Variants in CCN4 observed in about 807,000 individuals in gnomAD.
The protein encoded by CCN4 is CCN family member 4.
Under a neutral mutation model 36.7 loss-of-function variants are expected in CCN4, and 30 were observed. That is an observed-to-expected ratio of 0.82 (90% CI 0.61 to 1.11). The LOEUF (loss-of-function observed/expected upper bound fraction) is 1.11, where lower values mean the gene tolerates loss of function less well. Among genes scored for constraint, CCN4 ranks in the 50% least tolerant of loss-of-function variants. The pLI, the probability that CCN4 is intolerant of heterozygous loss-of-function variation, is 0.00. For synonymous variants in CCN4, 191 were observed against 195.4 expected, an observed-to-expected ratio of 0.98 and a Z score of 0.19; for missense variants, 505 against 504.9, an observed-to-expected ratio of 1.00 and a Z score of 0.00.
intron 1 of CCN4, among the ~76,000 whole-genome samples, chr8:133,199,061 AT>A (rs1404688942): frequency 6.6e-6 from 1 of 152,120 alleles, no homozygotes; most frequent in East Asian, 1.9e-4. Flanking sequence ...AACACCACTG[AT>A]TTTTTTTGAA....
chr8:133,224,267 A>G (rs1397232424), intron 3 of CCN4, among the ~76,000 whole-genome samples: 2 of 106,542 alleles, frequency 1.9e-5, no homozygotes, highest in Non-Finnish European at 3.6e-5. Flanking sequence ...TTGAGACAGA[A>G]TCCTGCTTTT....
At chr8:133,199,376 C>A (rs1204404762) in intron 1 of CCN4, among the ~76,000 whole-genome samples, 1 of 152,212 alleles carries the variant, frequency 6.6e-6, no homozygotes, top group Non-Finnish European at 1.5e-5. Context: ...AGCTCCACCA[C>A]ATCCCAGCCC....
chr8:133,227,587 G>A lies in CCN4; in HGVS notation c.981G>A (p.Gly327=). ...TIDVSFQCPD[G]LGFSRQVLWI... is the part of the protein sequence containing the mutation. ...ACGTGTCCTTCCAGTGTCCTGATGG[G>A]CTTGGCTTCTCCCGCCAGGTCCTAT... The change falls in exon 5 of 5, where the codon GGG becomes GGA. Residue 327 remains glycine, a synonymous_variant. Coordinates refer to ENST00000250160, the MANE Select transcript of CCN4 (RefSeq NM_003882.4). The A allele has an allele frequency of 6.2e-7, 1 of 1,614,194 alleles. No homozygotes were observed. The highest frequency in any genetic ancestry group is 8.5e-7 in the Non-Finnish European group (1 of 1,180,046).
chr8:133,208,902 A>G (rs965137631), intron 1 of CCN4, among the ~76,000 whole-genome samples: 3 of 152,214 alleles, frequency 2.0e-5, no homozygotes, highest in Non-Finnish European at 4.4e-5. Context: ...GAATAAATAA[A>G]TGAAAGGGAG....
intron 1 of CCN4, among the ~76,000 whole-genome samples, chr8:133,209,674 C>T (rs1179287479): frequency 6.6e-6 from 1 of 152,232 alleles, no homozygotes; most frequent in Non-Finnish European, 1.5e-5. Flanking sequence ...GGGATACCCA[C>T]CCGGTTCCAA....
At chr8:133,197,756 G>C (rs1308171868) in intron 1 of CCN4, among the ~76,000 whole-genome samples, 1 of 151,938 alleles carries the variant, frequency 6.6e-6, no homozygotes, top group Non-Finnish European at 1.5e-5. Context: ...ATTAGGGGTA[G>C]GGGGTAGGGT....
chr8:133,227,312 T>A, intron 4 of CCN4, 99 bp from the exon 5 acceptor site: 1 of 1,287,690 alleles, frequency 7.8e-7, no homozygotes, highest in Non-Finnish European at 1.1e-6. Context: ...GGTGGAATGC[T>A]CCCACATAGT....
intron 2 of CCN4, among the ~76,000 whole-genome samples, chr8:133,215,648 CT>C (rs1178193863): frequency 6.6e-6 from 1 of 152,082 alleles, no homozygotes; most frequent in Non-Finnish European, 1.5e-5. Context: ...ATCTCTGCAT[CT>C]TAGGTCCTGC....
At chr8:133,218,838 G>A (rs777664399) in intron 2 of CCN4, among the ~76,000 whole-genome samples, 25 of 152,148 alleles carry the variant, frequency 1.6e-4, no homozygotes, top group Non-Finnish European at 2.9e-4. Context: ...CCACTTGGTT[G>A]TCAACCAGCC....
In CCN4 at chr8:133,225,673, T is replaced by C. The variant is rs115028834; in HGVS notation, c.804+90T>C. On this transcript the variant is annotated intron_variant, in intron 4 of 4. Coordinates refer to ENST00000250160, the MANE Select transcript of CCN4 (RefSeq NM_003882.4). ...CTCCTGAACTTCCTCGTGGGGAGCA[T>C]TTGTAAAGTGGGAATAGTTAAGCTC... 2.0e-3 allele frequency: 2,649 copies of C among 1,322,502 alleles called. 38 individuals carry two copies. The African/African-American group carries it at 0.035, about 17-fold the overall frequency. 81.9% of individuals were successfully genotyped at this position (1,322,502 alleles called of 1,614,324 possible).
chr8:133,194,672 T>TGCCTGG, intron 1 of CCN4, among the ~76,000 whole-genome samples: 1 of 62,808 alleles, frequency 1.6e-5, no homozygotes, highest in Non-Finnish European at 2.9e-5. Flanking sequence ...GTGGGGGATG[T>TGCCTGG]GGTGTGTGTG....
intron 1 of CCN4, among the ~76,000 whole-genome samples, chr8:133,209,002 G>A (rs2130564474): frequency 6.6e-6 from 1 of 152,292 alleles, no homozygotes; most frequent in South Asian, 2.1e-4. Context: ...CACTAGGTGG[G>A]GAGCCAGTCA....
At chr8:133,212,627 C>T (rs1854095142) in intron 1 of CCN4, among the ~76,000 whole-genome samples, 1 of 152,144 alleles carries the variant, frequency 6.6e-6, no homozygotes, top group South Asian at 2.1e-4. Context: ...TGGGCCCCAC[C>T]GCTGACCAGC....
At chr8:133,199,496 G>A (rs1449906589) in intron 1 of CCN4, among the ~76,000 whole-genome samples, 1 of 152,170 alleles carries the variant, frequency 6.6e-6, no homozygotes, top group African/African-American at 2.4e-5. Context: ...GAGGTTGGGT[G>A]TGGAGCATGT....
At chr8:133,202,631 G>T (rs1853628313) in intron 1 of CCN4, among the ~76,000 whole-genome samples, 2 of 152,324 alleles carry the variant, frequency 1.3e-5, no homozygotes, top group East Asian at 3.9e-4. Flanking sequence ...ATGCAGCCTG[G>T]CCAACAACTT....
chr8:133,220,895 C>A, intron 3 of CCN4, 54 bp downstream of exon 3: 3 of 1,548,208 alleles, frequency 1.9e-6, no homozygotes, highest in African/African-American at 1.4e-5. Context: ...GGGTTGTGGA[C>A]CCTCCTGGAA....
chr8:133,203,388 A>G (rs2977531), intron 1 of CCN4, among the ~76,000 whole-genome samples: 125,390 of 152,160 alleles, frequency 0.82, 52,316 homozygotes, highest in East Asian at 1. Context: ...AGGGAAGAAC[A>G]AATGAATGAG....
chr8:133,209,015 G>A (rs1853886068), intron 1 of CCN4, among the ~76,000 whole-genome samples: 1 of 152,144 alleles, frequency 6.6e-6, no homozygotes, highest in African/African-American at 2.4e-5. Flanking sequence ...GCCAGTCAGG[G>A]GCTCTGTCTT....
chr8:133,192,690 G>T (rs1853159461), intron 1 of CCN4, among the ~76,000 whole-genome samples: 1 of 152,210 alleles, frequency 6.6e-6, no homozygotes, highest in Non-Finnish European at 1.5e-5. Flanking sequence ...TTTGCAGGTT[G>T]CTATGTCTGG....
Sources: allele counts gnomAD v4.1 joint callset (sites outside exome capture counted in the v4.1 genomes callset), GRCh38; gene constraint gnomAD v4.1.1; transcripts MANE v1.5; gene names NCBI Gene and HGNC (gene_info 2026-07-23, HGNC 2026-07-21).